The following MTMR7 variants were observed in gnomAD, a reference collection of about 807,000 sequenced individuals.
MTMR7 encodes the protein phosphatidylinositol-3-phosphate phosphatase MTMR7.
A neutral mutation model predicts 81.2 loss-of-function variants in MTMR7; 76 were observed. The observed-to-expected ratio is 0.94, with a 90% CI of 0.78 to 1.13. The LOEUF (loss-of-function observed/expected upper bound fraction) is 1.13. Among genes scored for constraint, MTMR7 ranks in the 50% most tolerant of loss-of-function variants. The pLI, the probability that MTMR7 is intolerant of heterozygous loss-of-function variation, is 0.00. For missense variants in MTMR7, 1,044 were observed against 820.0 expected (o/e 1.27, Z -3.34); for synonymous variants, 372 against 289.8 (o/e 1.28, Z -2.88).
At chr8:17,376,608 CTCT>C (rs1337957962) in intron 1 of MTMR7, among the ~76,000 whole-genome samples, 2 of 152,230 alleles carry the variant, frequency 1.3e-5, no homozygotes, top group South Asian at 2.1e-4. Flanking sequence ...TTATTATAAT[CTCT>C]TTTTTTGATT....
At chr8:17,325,856 C>T (rs1351610592) in intron 7 of MTMR7, among the ~76,000 whole-genome samples, 1 of 152,160 alleles carries the variant, frequency 6.6e-6, no homozygotes, top group African/African-American at 2.4e-5. Context: ...CAAATACTTG[C>T]CTGGCTGACT....
At chr8:17,373,035 C>G in intron 2 of MTMR7, 83 bp downstream of exon 2, 1 of 1,542,092 alleles carries the variant, frequency 6.5e-7, no homozygotes, top group Middle Eastern at 1.7e-4. Context: ...CCCATCTCAC[C>G]CTGAGGAAAA....
intron 7 of MTMR7, among the ~76,000 whole-genome samples, chr8:17,325,142 C>T (rs556845223): frequency 1.2e-4 from 18 of 152,112 alleles, no homozygotes; most frequent in African/African-American, 4.3e-4. Context: ...CACAGCCTCT[C>T]CTCTCCAAGC....
intron 5 of MTMR7, among the ~76,000 whole-genome samples, chr8:17,344,145 A>C (rs1268702479): frequency 2.0e-5 from 3 of 152,242 alleles, no homozygotes; most frequent in Non-Finnish European, 2.9e-5. Flanking sequence ...CACTTGATAC[A>C]TGAAGTGACC....
intron 1 of MTMR7, among the ~76,000 whole-genome samples, chr8:17,410,060 C>T (rs13254505): frequency 0.22 from 34,125 of 152,004 alleles, 4,592 homozygotes; most frequent in South Asian, 0.3. Context: ...ACCTAGGAAA[C>T]TTAGCAGGGA....
intron 7 of MTMR7, among the ~76,000 whole-genome samples, chr8:17,327,430 C>G (rs1298248240): frequency 7.2e-6 from 1 of 138,190 alleles, no homozygotes; most frequent in Non-Finnish European, 1.5e-5. Context: ...ACCACCACGC[C>G]TGGTTGATTT....
intron 1 of MTMR7, among the ~76,000 whole-genome samples, chr8:17,405,877 C>G (rs1040376239): frequency 2.6e-5 from 1 of 38,708 alleles, no homozygotes; most frequent in African/African-American, 4.8e-5. Flanking sequence ...CACACACACA[C>G]ACCACAGAGA....
chr8:17,404,258 G>C (rs1161503799), intron 1 of MTMR7, among the ~76,000 whole-genome samples: 1 of 152,114 alleles, frequency 6.6e-6, no homozygotes, highest in East Asian at 1.9e-4. Context: ...AGATATGGGA[G>C]GAGATAAAAA....
rs187808757 is a variant in MTMR7 at position 17,402,171 on chromosome 8, C to G, written c.24+11098G>C. 3.8e-3 allele frequency among the ~76,000 whole-genome samples: 578 copies of G among 152,110 alleles called. 2 individuals carry two copies. Among genetic ancestry groups the G allele is most frequent in the African/African-American group, 0.013 (553 of 41,494 alleles). ...TGTGAGATACTTTGATACAGGCATGCGTTGTGTAATAATCACATCATGGTA... is the reference window on the plus strand; with the variant it reads ...TGTGAGATACTTTGATACAGGCATGGGTTGTGTAATAATCACATCATGGTA... On this transcript the variant is annotated intron_variant, in intron 1 of 13. Coordinates refer to ENST00000180173, the MANE Select transcript of MTMR7 (RefSeq NM_004686.5).
At chr8:17,411,564 T>C (rs1021221616) in intron 1 of MTMR7, among the ~76,000 whole-genome samples, 2 of 152,208 alleles carry the variant, frequency 1.3e-5, no homozygotes, top group African/African-American at 4.8e-5. Context: ...TTCTTATTTT[T>C]TTCACCAGCT....
In MTMR7 at chr8:17,298,116, C is replaced by T. The variant is rs1259142402; in HGVS notation, c.*1746G>A. 2 of 151,972 alleles carry T rather than the reference C, an allele frequency of 1.3e-5. No homozygotes were observed. The highest frequency in any genetic ancestry group is 1.9e-4 in the East Asian group (1 of 5,196). The allele number at this position is 151,972 out of a possible 1,614,324, so 9.4% of individuals were successfully genotyped here. On this transcript the variant is annotated 3_prime_UTR_variant, in exon 14 of 14. Transcript: ENST00000180173. Reference sequence around the variant, plus strand: ...TTAAAGCCACATCCTCAATATTAGGCAACAGAGTTTCTAAGAGTGGACAGC... The same window carrying T: ...TTAAAGCCACATCCTCAATATTAGGTAACAGAGTTTCTAAGAGTGGACAGC...
At chr8:17,317,785 G>A (rs758583244) in intron 7 of MTMR7, among the ~76,000 whole-genome samples, 23 of 152,086 alleles carry the variant, frequency 1.5e-4, no homozygotes, top group Non-Finnish European at 2.5e-4. Flanking sequence ...TCATACTTCC[G>A]CCATAAATTG....
chr8:17,310,528 A>C (rs1817728220), intron 9 of MTMR7, among the ~76,000 whole-genome samples: 1 of 152,162 alleles, frequency 6.6e-6, no homozygotes. Flanking sequence ...GCAGTGTGTG[A>C]CTGGCAACCT....
chr8:17,352,693 T>C (rs1331692864), intron 4 of MTMR7, among the ~76,000 whole-genome samples: 1 of 152,138 alleles, frequency 6.6e-6, no homozygotes, highest in East Asian at 1.9e-4. Context: ...TATTAGTAAA[T>C]TGCGTATCTT....
chr8:17,305,242 A>T (rs1423594894), intron 11 of MTMR7, among the ~76,000 whole-genome samples: 2 of 152,226 alleles, frequency 1.3e-5, no homozygotes, highest in South Asian at 2.1e-4. Flanking sequence ...ATGAAAATTT[A>T]AAAAATGTTC....
chr8:17,312,468 G>C (rs765874100), intron 8 of MTMR7, among the ~76,000 whole-genome samples: 14 of 150,940 alleles, frequency 9.3e-5, no homozygotes, highest in Non-Finnish European at 1.9e-4. Flanking sequence ...CCAGCTACTT[G>C]GGAGGCTGAG....
chr8:17,327,330 G>A (rs1244286730), intron 7 of MTMR7, among the ~76,000 whole-genome samples: 1 of 152,156 alleles, frequency 6.6e-6, no homozygotes, highest in Non-Finnish European at 1.5e-5. Flanking sequence ...GAGTCCAGTG[G>A]CACGATCATG....
At chr8:17,338,377 C>T (rs1819312651) in intron 6 of MTMR7, among the ~76,000 whole-genome samples, 1 of 152,138 alleles carries the variant, frequency 6.6e-6, no homozygotes, top group African/African-American at 2.4e-5. Flanking sequence ...ATCACTGGTC[C>T]TAAAATTAGT....
intron 7 of MTMR7, among the ~76,000 whole-genome samples, chr8:17,316,413 C>G (rs901489305): frequency 1.1e-4 from 17 of 151,536 alleles, no homozygotes; most frequent in Non-Finnish European, 2.5e-4. Context: ...TTATCCATCC[C>G]CCTACTGTTG....
Sources: gnomAD v4.1 joint callset for allele counts (sites outside exome capture counted in the v4.1 genomes callset) on GRCh38, gnomAD v4.1.1 for gene constraint, MANE v1.5 for transcripts, NCBI Gene and HGNC (gene_info 2026-07-23, HGNC 2026-07-21) for gene names.